The following LAMA2 variants were observed in gnomAD, a reference collection of about 807,000 sequenced individuals.
LAMA2 encodes the protein laminin subunit alpha 2, also known as laminin subunit alpha-2.
LAMA2 carries 269 observed loss-of-function variants against 364.8 expected under a neutral mutation model. The ratio of observed to expected loss-of-function variants is 0.74; its 90% CI spans 0.67 to 0.82. The LOEUF (loss-of-function observed/expected upper bound fraction) is 0.82, where lower values mean the gene tolerates loss of function less well. Ranked by LOEUF, LAMA2 falls within the 40% of genes least tolerant of loss-of-function variation. LAMA2 has a pLI of 0.00. For synonymous variants in LAMA2, 1,379 were observed against 1,370.6 expected, an observed-to-expected ratio of 1.01 and a Z score of -0.14; for missense variants, 3,807 against 3,873.2, an observed-to-expected ratio of 0.98 and a Z score of 0.45.
chr6:129,473,167 G>C, intron 51 of LAMA2, 47 bp from the exon 52 acceptor site: 1 of 1,451,696 alleles, frequency 6.9e-7, no homozygotes, highest in Non-Finnish European at 9.6e-7. Flanking sequence ...TATAGATGTG[G>C]TTGATATTGC....
intron 9 of LAMA2, among the ~76,000 whole-genome samples, chr6:129,172,166 C>T (rs1471257452): frequency 1.1e-4 from 16 of 152,072 alleles, no homozygotes; most frequent in Non-Finnish European, 2.1e-4. Flanking sequence ...AAGCCTTCTT[C>T]TCTCAGCTCG....
chr6:129,076,653 T>C (rs1036805992), intron 3 of LAMA2, among the ~76,000 whole-genome samples: 2 of 151,376 alleles, frequency 1.3e-5, no homozygotes, highest in African/African-American at 2.4e-5. Context: ...ATGTAATTTT[T>C]CAATTAAGGA....
At chr6:128,896,241 T>A (rs1302216761) in intron 1 of LAMA2, among the ~76,000 whole-genome samples, 2 of 152,088 alleles carry the variant, frequency 1.3e-5, no homozygotes, top group Admixed American at 6.6e-5. Context: ...TTATCTAGTA[T>A]AATTTATCTT....
intron 12 of LAMA2, among the ~76,000 whole-genome samples, chr6:129,197,986 G>T (rs1220381231): frequency 6.6e-6 from 1 of 152,044 alleles, no homozygotes; most frequent in African/African-American, 2.4e-5. Flanking sequence ...TGTCTACAGT[G>T]TTTTACATTT....
intron 49 of LAMA2, among the ~76,000 whole-genome samples, chr6:129,462,429 C>T (rs1425209180): frequency 1.3e-5 from 2 of 151,894 alleles, no homozygotes; most frequent in Admixed American, 6.6e-5. Flanking sequence ...TCGTGGCCCA[C>T]GTCTTTTCCG....
chr6:129,076,100 A>G (rs761361954), intron 3 of LAMA2, among the ~76,000 whole-genome samples: 6 of 151,966 alleles, frequency 3.9e-5, no homozygotes, highest in Non-Finnish European at 8.8e-5. Context: ...CAAAACAAAA[A>G]AATTATTCAA....
chr6:128,952,521 T>A (rs1231234650), intron 1 of LAMA2, among the ~76,000 whole-genome samples: 2 of 152,176 alleles, frequency 1.3e-5, no homozygotes, highest in Admixed American at 1.3e-4. Context: ...ATAAATGTTC[T>A]TGAATTCAAA....
intron 12 of LAMA2, among the ~76,000 whole-genome samples, chr6:129,214,565 C>G (rs980029716): frequency 6.6e-6 from 1 of 152,096 alleles, no homozygotes; most frequent in East Asian, 1.9e-4. Context: ...TCCCTTTGCT[C>G]CTTTGTGAAA....
intron 1 of LAMA2, among the ~76,000 whole-genome samples, chr6:129,048,464 C>A (rs1582938047): frequency 2.4e-5 from 1 of 42,310 alleles, no homozygotes; most frequent in African/African-American, 7.5e-5. Context: ...TTCTTTCTTT[C>A]TTTCTTTCTT....
chr6:129,234,663 T>G (rs2115138206), intron 12 of LAMA2, among the ~76,000 whole-genome samples: 2 of 152,326 alleles, frequency 1.3e-5, no homozygotes, highest in Middle Eastern at 6.8e-3. Context: ...CAAAACTGCA[T>G]TTTTGAAATG....
chr6:129,501,230 T>C (rs980942378), intron 58 of LAMA2, among the ~76,000 whole-genome samples: 7 of 152,192 alleles, frequency 4.6e-5, no homozygotes, highest in Non-Finnish European at 8.8e-5. Context: ...ATTCGGGCTC[T>C]TTTTGCAGGC....
chr6:128,988,516 A>G (rs12214178), intron 1 of LAMA2, among the ~76,000 whole-genome samples: 2 of 152,186 alleles, frequency 1.3e-5, no homozygotes, highest in African/African-American at 2.4e-5. Flanking sequence ...GCACTGAACT[A>G]AAGTGCAGCA....
chr6:128,911,982 C>A (rs1371373679), intron 1 of LAMA2, among the ~76,000 whole-genome samples: 8 of 152,158 alleles, frequency 5.3e-5, no homozygotes, highest in African/African-American at 1.9e-4. Flanking sequence ...ATATTTTGCT[C>A]CTTTTAATCG....
chr6:128,897,311 A>G (rs1213833497), intron 1 of LAMA2, among the ~76,000 whole-genome samples: 1 of 152,258 alleles, frequency 6.6e-6, no homozygotes, highest in African/African-American at 2.4e-5. Flanking sequence ...GTCCTGATAT[A>G]TCAGAAGAGT....
chr6:129,187,981 A>C (rs1391233670), intron 10 of LAMA2, among the ~76,000 whole-genome samples: 1 of 151,892 alleles, frequency 6.6e-6, no homozygotes. Flanking sequence ...ATCTATGTCC[A>C]CAAGTTGAAT....
Position 128,990,363 on chromosome 6 carries a change from T to C in LAMA2, c.113-59555T>C, listed in dbSNP as rs539021930. Among the ~76,000 whole-genome samples the C allele has an allele frequency of 1.1e-4, 17 of 152,268 alleles. No homozygotes were observed. In the South Asian group the frequency reaches 1.2e-3, roughly 11 times the overall value. On this transcript the variant is annotated intron_variant, in intron 1 of 64. Transcript: ENST00000421865. ...CTCACAGGAATAAAACAATAACAAA[T>C]AGGATGCATGCAAAATATCTCATAA...
intron 22 of LAMA2, among the ~76,000 whole-genome samples, chr6:129,307,475 C>T (rs1773946218): frequency 2.0e-5 from 3 of 152,168 alleles, no homozygotes; most frequent in Non-Finnish European, 2.9e-5. Flanking sequence ...GCAGCCTCGG[C>T]TTCCTCAAAC....
At chr6:129,312,776 G>T in intron 22 of LAMA2, 85 bp from the exon 23 acceptor site, 1 of 916,068 alleles carries the variant, frequency 1.1e-6, no homozygotes, top group Non-Finnish European at 1.8e-6. Flanking sequence ...TGTGTTTAAT[G>T]GAAGCATAGA....
intron 1 of LAMA2, among the ~76,000 whole-genome samples, chr6:129,035,934 A>C (rs922702399): frequency 3.3e-5 from 5 of 151,966 alleles, no homozygotes; most frequent in African/African-American, 1.2e-4. Flanking sequence ...CCCAGCGTTG[A>C]TCTTTTTGCT....
Sources: gnomAD v4.1 joint callset for allele counts (sites outside exome capture counted in the v4.1 genomes callset) on GRCh38, gnomAD v4.1.1 for gene constraint, MANE v1.5 for transcripts, NCBI Gene and HGNC (gene_info 2026-07-23, HGNC 2026-07-21) for gene names.